Variants in CNTN5 observed in about 807,000 individuals in gnomAD.
CNTN5 encodes the protein contactin 5.
A neutral mutation model predicts 129.1 loss-of-function variants in CNTN5; 77 were observed. The ratio of observed to expected loss-of-function variants is 0.60; its 90% CI spans 0.50 to 0.72. The LOEUF (loss-of-function observed/expected upper bound fraction) is 0.72. CNTN5 is among the 30% of genes least tolerant of loss of function. The probability of loss-of-function intolerance (pLI) is 0.00; values close to 1 mark genes in which losing one functional copy is unlikely to be tolerated. For missense variants in CNTN5, 1,478 were observed against 1,328.8 expected, an observed-to-expected ratio of 1.11 and a Z score of -1.75; for synonymous variants, 509 against 465.6, an observed-to-expected ratio of 1.09 and a Z score of -1.20.
At chr11:99,979,213 T>C (rs750076785) in intron 8 of CNTN5, among the ~76,000 whole-genome samples, 1 of 152,084 alleles carries the variant, frequency 6.6e-6, no homozygotes, top group Non-Finnish European at 1.5e-5. Context: ...GTAGAGGAGA[T>C]AGACAAGTTA....
intron 1 of CNTN5, among the ~76,000 whole-genome samples, chr11:99,316,702 A>C (rs925417371): frequency 1.3e-5 from 2 of 151,672 alleles, no homozygotes; most frequent in African/African-American, 2.4e-5. Flanking sequence ...GTTAGTCTTC[A>C]CTTTTGAAAT....
intron 3 of CNTN5, among the ~76,000 whole-genome samples, chr11:99,687,465 C>T (rs1348659326): frequency 6.6e-6 from 1 of 152,104 alleles, no homozygotes; most frequent in African/African-American, 2.4e-5. Flanking sequence ...AGTTAATTTG[C>T]TACTTACCCA....
At chr11:99,727,429 T>G (rs1943388462) in intron 3 of CNTN5, among the ~76,000 whole-genome samples, 1 of 151,890 alleles carries the variant, frequency 6.6e-6, no homozygotes. Context: ...CTCTTTTGTT[T>G]CTGATATGAC....
chr11:99,679,419 A>C (rs993987843), intron 3 of CNTN5, among the ~76,000 whole-genome samples: 8 of 152,044 alleles, frequency 5.3e-5, no homozygotes, highest in Non-Finnish European at 1.2e-4. Context: ...CCTTTATATC[A>C]CATTTTGGTA....
intron 7 of CNTN5, among the ~76,000 whole-genome samples, chr11:99,929,696 G>A (rs553392737): frequency 2.0e-4 from 31 of 152,194 alleles, no homozygotes; most frequent in Non-Finnish European, 4.0e-4. Context: ...GAGGGTAACT[G>A]CCCCCGTGAT....
intron 7 of CNTN5, among the ~76,000 whole-genome samples, chr11:99,929,318 T>C (rs1293007901): frequency 6.6e-6 from 1 of 152,184 alleles, no homozygotes; most frequent in Non-Finnish European, 1.5e-5. Context: ...TTCTGTCTTC[T>C]TTTCAGCCCT....
At chr11:99,539,993 A>C (rs184499723) in intron 2 of CNTN5, among the ~76,000 whole-genome samples, 1 of 152,242 alleles carries the variant, frequency 6.6e-6, no homozygotes, top group Admixed American at 6.5e-5. Context: ...AATATATGCA[A>C]AGATGGTGAA....
chr11:99,333,261 A>G, intron 2 of CNTN5, among the ~76,000 whole-genome samples: 1 of 152,212 alleles, frequency 6.6e-6, no homozygotes, highest in East Asian at 1.9e-4. Flanking sequence ...TGGGAAAAAA[A>G]GAAACACATT....
chr11:99,689,265 C>G (rs924879969), intron 3 of CNTN5, among the ~76,000 whole-genome samples: 2 of 151,954 alleles, frequency 1.3e-5, no homozygotes, highest in African/African-American at 4.8e-5. Flanking sequence ...TGGTGGCTCA[C>G]GCCTGTAATC....
intron 1 of CNTN5, among the ~76,000 whole-genome samples, chr11:99,084,704 G>A (rs1416978975): frequency 1.3e-5 from 2 of 151,956 alleles, no homozygotes; most frequent in South Asian, 2.1e-4. Flanking sequence ...TGGTAATATT[G>A]TGCTAATAAT....
chr11:99,487,552 G>T (rs1400867508), intron 2 of CNTN5, among the ~76,000 whole-genome samples: 11 of 152,112 alleles, frequency 7.2e-5, no homozygotes, highest in Admixed American at 5.9e-4. Context: ...AAAATCAAAC[G>T]TAATAGTCTT....
At chr11:99,821,061 TAA>T (rs963448165) in intron 4 of CNTN5, among the ~76,000 whole-genome samples, 5 of 152,236 alleles carry the variant, frequency 3.3e-5, no homozygotes, top group African/African-American at 1.2e-4. Flanking sequence ...ACATTTAATA[TAA>T]GTTTTTAACT....
chr11:99,216,704 AG>A (rs1860138074), intron 1 of CNTN5, among the ~76,000 whole-genome samples: 1 of 152,172 alleles, frequency 6.6e-6, no homozygotes, highest in Admixed American at 6.5e-5. Context: ...GAAACACTCC[AG>A]GACATTGGTC....
chr11:100,337,471 C>G (rs752961738), intron 21 of CNTN5: 27 of 745,496 alleles, frequency 3.6e-5, no homozygotes, highest in Non-Finnish European at 6.0e-5. Context: ...AAGTCTTACC[C>G]AAGACCTGAG....
At position 99,462,360 on chromosome 11, in the gene CNTN5, C is replaced by CTTTTTTTTTTTTTTTTTTTTTTT. The variant is rs72276833; in HGVS notation, c.-70-93769_-70-93768insTTTTTTTTTTTTTTTTTTTTTTT. 4.8e-5 allele frequency among the ~76,000 whole-genome samples: 6 copies of CTTTTTTTTTTTTTTTTTTTTTTT among 125,282 alleles called. No individual in the cohort carries two copies. The East Asian group carries it at 6.7e-4, about 14-fold the overall frequency. 82.2% of individuals were successfully genotyped at this position (125,282 alleles called of 152,430 possible). A position where few individuals can be genotyped will look rare whatever the true frequency, so the allele number is the denominator to read the frequency against. The stretch of plus-strand genomic sequence containing the variant: ...TTTTTTTCTTTTTTTCTTTTCTTTT[C>CTTTTTTTTTTTTTTTTTTTTTTT]TTTTTTTTTTTTTTTTACATTTTTC... On this transcript the variant is annotated intron_variant, in intron 2 of 24. Coordinates refer to ENST00000524871, the MANE Select transcript of CNTN5 (RefSeq NM_014361.4).
intron 1 of CNTN5, among the ~76,000 whole-genome samples, chr11:99,121,058 T>C (rs1326261796): frequency 6.6e-6 from 1 of 152,164 alleles, no homozygotes; most frequent in Non-Finnish European, 1.5e-5. Flanking sequence ...TATGGCATTG[T>C]TTAACTCCCC....
At chr11:100,182,429 T>C (rs1279209774) in intron 13 of CNTN5, among the ~76,000 whole-genome samples, 1 of 152,076 alleles carries the variant, frequency 6.6e-6, no homozygotes, top group African/African-American at 2.4e-5. Context: ...TCTCTTCTTA[T>C]AAGGGCACTA....
intron 3 of CNTN5, among the ~76,000 whole-genome samples, chr11:99,726,474 G>A (rs990940264): frequency 1.3e-5 from 2 of 152,086 alleles, no homozygotes; most frequent in South Asian, 2.1e-4. Context: ...CTAGCAAAAC[G>A]AAATAGAACA....
At chr11:100,086,125 T>C (rs1944543741) in intron 13 of CNTN5, among the ~76,000 whole-genome samples, 1 of 151,636 alleles carries the variant, frequency 6.6e-6, no homozygotes, top group Admixed American at 6.6e-5. Context: ...ACAGATTGAG[T>C]TCAAGCTTAA....
Sources: gnomAD v4.1 joint callset for allele counts (sites outside exome capture counted in the v4.1 genomes callset) on GRCh38, gnomAD v4.1.1 for gene constraint, MANE v1.5 for transcripts, NCBI Gene and HGNC (gene_info 2026-07-23, HGNC 2026-07-21) for gene names.